Variants in MRC1 observed in about 807,000 individuals in gnomAD.
The protein encoded by MRC1 is macrophage mannose receptor 1.
MRC1 carries 62 observed loss-of-function variants against 102.9 expected under a neutral mutation model. That is an observed-to-expected ratio of 0.60 (90% CI 0.49 to 0.74). MRC1 has a LOEUF of 0.74. Ranked by LOEUF, MRC1 falls within the 30% of genes least tolerant of loss-of-function variation. The pLI is 0.00. For missense variants in MRC1, 1,237 were observed against 862.8 expected, an observed-to-expected ratio of 1.43 and a Z score of -5.43; for synonymous variants, 457 against 298.4, an observed-to-expected ratio of 1.53 and a Z score of -5.48.
intron 5 of MRC1, among the ~76,000 whole-genome samples, chr10:17,843,646 A>G (rs1324010716): frequency 1.3e-5 from 2 of 152,148 alleles, no homozygotes; most frequent in Non-Finnish European, 2.9e-5. Context: ...CCTGAGTGAC[A>G]GAGCAAAACT....
intron 17 of MRC1, among the ~76,000 whole-genome samples, chr10:17,875,937 G>T (rs1396902097): frequency 2.6e-5 from 4 of 152,076 alleles, no homozygotes; most frequent in African/African-American, 9.7e-5. Context: ...ATTATATTTT[G>T]ACTTTTTAAT....
intron 7 of MRC1, 54 bp downstream of exon 7, chr10:17,849,818 T>C (rs71497226): frequency 0.83 from 601,381 of 726,114 alleles, 250,554 homozygotes; most frequent in East Asian, 1. Flanking sequence ...GAGCACCCCT[T>C]TCTACCCAAC....
At position 17,910,511 on chromosome 10, in the gene MRC1, C is replaced by T. The variant is rs1833954964; in HGVS notation, c.*46C>T. The T allele has an allele frequency of 2.6e-6, 2 of 780,234 alleles. No individual in the cohort carries two copies. Among genetic ancestry groups the T allele is most frequent in the East Asian group, 4.8e-5 (2 of 41,252 alleles). The allele number at this position is 780,234 out of a possible 1,614,324, so 48.3% of individuals were successfully genotyped here. ...ATATTTGAATTTCATAAAATTGTAA[C>T]TGAAATTTAAAATTTTTAGTTCAAT... On this transcript the variant is annotated 3_prime_UTR_variant, in exon 30 of 30. Transcript: ENST00000569591.
chr10:17,861,620 T>C lies in MRC1; in HGVS notation c.1634+118T>C, dbSNP rs1301835863. The C allele has an allele frequency of 3.8e-5, 25 of 661,708 alleles. No individual in the cohort carries two copies. The East Asian group carries it at 6.1e-4, about 16-fold the overall frequency. The allele number at this position is 661,708 out of a possible 1,614,324, so 41.0% of individuals were successfully genotyped here. A position where few individuals can be genotyped will look rare whatever the true frequency, so the allele number is the denominator to read the frequency against. On this transcript the variant is annotated intron_variant, in intron 10 of 29. Coordinates refer to ENST00000569591, the MANE Select transcript of MRC1 (RefSeq NM_002438.4). The stretch of plus-strand genomic sequence containing the variant: ...ATGTGTGATCTTGAGGTATGATTTG[T>C]AAAGATAGAAGCATTAAAAATAATA...
chr10:17,809,516 TCTC>T lies in MRC1; in HGVS notation c.54_56del (p.Leu20del), dbSNP rs1333362541. On this transcript the variant is annotated inframe_deletion, in exon 1 of 30. Transcript: ENST00000569591. Reference sequence around the variant, plus strand: ...TTGCCTCTGTCATTCCGGGTGCTGTTCTCCTACTGGGTAAGTCTGCTCTGAGGC... The same window carrying T: ...TTGCCTCTGTCATTCCGGGTGCTGTTCTACTGGGTAAGTCTGCTCTGAGGC... 4.6e-6 allele frequency: 4 copies of T among 872,612 alleles called. No individual in the cohort carries two copies. The highest frequency in any genetic ancestry group is 3.3e-5 in the African/African-American group (2 of 61,306). 54.1% of individuals were successfully genotyped at this position (872,612 alleles called of 1,614,324 possible).
Position 17,909,315 on chromosome 10 carries a change from C to T in MRC1, c.4088C>T (p.Ala1363Val). The T allele has an allele frequency of 1.1e-6, 1 of 870,816 alleles. No homozygotes were observed. 53.9% of individuals were successfully genotyped at this position (870,816 alleles called of 1,614,324 possible). Residue 1363 changes from alanine (A) to valine (V), a missense_variant, in exon 29 of 30, where the codon GCT becomes GTT. Coordinates refer to ENST00000569591, the MANE Select transcript of MRC1 (RefSeq NM_002438.4). ...TTTTTTTTACACACAGTTATTGATGCTAAACCTACTCATGAATTACTTACA... is the reference window on the plus strand; with the variant it reads ...TTTTTTTTACACACAGTTATTGATGTTAAACCTACTCATGAATTACTTACA... ...YICKRPKIID[A>V]KPTHELLTTK...
chr10:17,894,406 T>TC (rs1288015307), intron 23 of MRC1, 94 bp downstream of exon 23: 180 of 688,740 alleles, frequency 2.6e-4, no homozygotes, highest in Non-Finnish European at 3.2e-4. Flanking sequence ...TTTTTTTTTT[T>TC]TTTTTTTTTT....
intron 5 of MRC1, among the ~76,000 whole-genome samples, chr10:17,843,755 T>C (rs1412026685): frequency 2.0e-5 from 3 of 152,200 alleles, no homozygotes; most frequent in African/African-American, 7.2e-5. Context: ...ATCATTTAAT[T>C]ACCACACAAA....
intron 12 of MRC1, among the ~76,000 whole-genome samples, chr10:17,868,177 T>C (rs1370102095): frequency 6.6e-6 from 1 of 152,192 alleles, no homozygotes; most frequent in Non-Finnish European, 1.5e-5. Context: ...CTTAGCCAAA[T>C]ACAGAAATGT....
Position 17,894,370 on chromosome 10 carries a change from T to TTTTC in MRC1, c.3250+82_3250+85dup, listed in dbSNP as rs1206483130. 1.1e-3 allele frequency: 833 copies of TTTTC among 778,944 alleles called. 11 individuals are homozygous for TTTTC. The highest frequency in any genetic ancestry group is 4.5e-3 in the South Asian group (301 of 66,900). The allele number at this position is 778,944 out of a possible 1,614,324, so 48.3% of individuals were successfully genotyped here. ...AGCTGGGGTTTTTTTTTCCCCACTT[T>TTTTC]TTTCTTTCTTTCTTTCTTTCTTTCT... On this transcript the variant is annotated intron_variant, in intron 23 of 29. Coordinates refer to ENST00000569591, the MANE Select transcript of MRC1 (RefSeq NM_002438.4).
intron 25 of MRC1, among the ~76,000 whole-genome samples, chr10:17,901,730 T>A (rs1006678386): frequency 6.6e-6 from 1 of 152,104 alleles, no homozygotes; most frequent in Non-Finnish European, 1.5e-5. Context: ...TATAGATCGA[T>A]TGTCTTAACT....
chr10:17,890,553 C>T (rs1833657641), intron 22 of MRC1, among the ~76,000 whole-genome samples: 1 of 152,124 alleles, frequency 6.6e-6, no homozygotes, highest in African/African-American at 2.4e-5. Flanking sequence ...CGTTACCTAC[C>T]CAGTCTTGCT....
chr10:17,827,412 A>AAAAAACC, intron 2 of MRC1, 130 bp from the exon 3 acceptor site: 1 of 366,276 alleles, frequency 2.7e-6, no homozygotes, highest in Non-Finnish European at 5.2e-6. Flanking sequence ...AAAAAAAAAG[A>AAAAAACC]AATCCCTCTG....
Position 17,870,320 on chromosome 10 carries a change from C to A in MRC1, c.2058C>A (p.Asp686Glu). ...ATTTTTGTCGAGCTCTGGGTGGAGA[C>A]TTAGCTAGCATCAATAACAAAGAGG... Reference protein sequence around the residue: ...SRDFCRALGGDLASINNKEEQ... With the variant: ...SRDFCRALGGELASINNKEEQ... Residue 686 changes from aspartate (D) to glutamate (E), a missense_variant, in exon 13 of 30, where the codon GAC (aspartate) becomes GAA (glutamate). By Grantham distance (45) the Asp-to-Glu change is conservative. Transcript: ENST00000569591. The A allele has an allele frequency of 2.6e-6, 2 of 780,350 alleles. No individual in the cohort carries two copies. Among genetic ancestry groups the A allele is most frequent in the Admixed American group, 3.4e-5 (2 of 58,978 alleles). The allele number at this position is 780,350 out of a possible 1,614,324, so 48.3% of individuals were successfully genotyped here.
At chr10:17,810,823 C>T (rs1411839581) in intron 1 of MRC1, among the ~76,000 whole-genome samples, 1 of 152,186 alleles carries the variant, frequency 6.6e-6, no homozygotes, top group Non-Finnish European at 1.5e-5. Flanking sequence ...GACAGATTCT[C>T]ATTTTGTTGC....
chr10:17,901,416 C>T (rs1016999543), intron 25 of MRC1, among the ~76,000 whole-genome samples: 6 of 152,172 alleles, frequency 3.9e-5, no homozygotes, highest in African/African-American at 7.2e-5. Flanking sequence ...GGGCCGGGTG[C>T]GGTGGCTCAC....
intron 21 of MRC1, 31 bp downstream of exon 21, chr10:17,881,212 G>C: frequency 1.3e-6 from 1 of 774,160 alleles, no homozygotes; most frequent in East Asian, 2.4e-5. Context: ...TTAGTTGTGT[G>C]TTTAAATATG....
chr10:17,908,078 T>C (rs915124022), intron 28 of MRC1, among the ~76,000 whole-genome samples: 1 of 152,294 alleles, frequency 6.6e-6, no homozygotes, highest in East Asian at 1.9e-4. Flanking sequence ...TCAGAATTGA[T>C]TGTGGAATGA....
intron 4 of MRC1, among the ~76,000 whole-genome samples, chr10:17,840,358 T>C (rs896862890): frequency 7.9e-5 from 12 of 152,204 alleles, no homozygotes; most frequent in Non-Finnish European, 1.8e-4. Flanking sequence ...GTAACACCTA[T>C]TCATATTCAC....
Sources: gnomAD v4.1 joint callset for allele counts (sites outside exome capture counted in the v4.1 genomes callset) on GRCh38, gnomAD v4.1.1 for gene constraint, MANE v1.5 for transcripts, NCBI Gene and HGNC (gene_info 2026-07-23, HGNC 2026-07-21) for gene names.